BICDL1: variants seen among roughly 807,000 people sequenced by gnomAD.
BICDL1 encodes BICD family like cargo adaptor 1, also known as BICD family-like cargo adapter 1.
A neutral mutation model predicts 76.8 loss-of-function variants in BICDL1; 20 were observed. The ratio of observed to expected loss-of-function variants is 0.26; its 90% CI spans 0.18 to 0.38. The LOEUF (loss-of-function observed/expected upper bound fraction) is 0.38, where lower values mean the gene tolerates loss of function less well. BICDL1 is among the 10% of genes least tolerant of loss of function. BICDL1 has a pLI of 1.00. For missense variants in BICDL1, 700 were observed against 798.6 expected (o/e 0.88, Z 1.49); for synonymous variants, 383 against 337.1 (o/e 1.14, Z -1.49).
intron 2 of BICDL1, among the ~76,000 whole-genome samples, chr12:120,040,003 AT>A (rs1197194695): frequency 6.6e-6 from 1 of 152,074 alleles, no homozygotes; most frequent in African/African-American, 2.4e-5. Flanking sequence ...CAAATACCCA[AT>A]TTTACTGGTA....
chr12:120,080,119 G>A (rs900599461), intron 7 of BICDL1, among the ~76,000 whole-genome samples: 1 of 152,250 alleles, frequency 6.6e-6, no homozygotes, highest in African/African-American at 2.4e-5. Context: ...AGATGGATGT[G>A]ACATGCTTCC....
At chr12:119,994,883 T>C (rs1465267381) in intron 1 of BICDL1, among the ~76,000 whole-genome samples, 2 of 152,226 alleles carry the variant, frequency 1.3e-5, no homozygotes, top group African/African-American at 2.4e-5. Context: ...CTTCCTCTTA[T>C]TAACATCTTA....
chr12:120,069,278 C>A (rs1388538726), intron 4 of BICDL1, among the ~76,000 whole-genome samples: 1 of 152,150 alleles, frequency 6.6e-6, no homozygotes, highest in Non-Finnish European at 1.5e-5. Flanking sequence ...CAGAAAAGGA[C>A]TGAGAGAGAA....
intron 2 of BICDL1, among the ~76,000 whole-genome samples, chr12:120,008,493 G>C (rs1316213090): frequency 6.6e-6 from 1 of 152,190 alleles, no homozygotes; most frequent in African/African-American, 2.4e-5. Flanking sequence ...TAAGGAAACT[G>C]AGGGTCAGAA....
chr12:120,086,976 C>T (rs577466396), intron 8 of BICDL1, among the ~76,000 whole-genome samples: 2 of 152,326 alleles, frequency 1.3e-5, no homozygotes, highest in South Asian at 4.1e-4. Context: ...ATGCCCGGCG[C>T]TGCGCCGCGG....
chr12:120,091,957 A>C, intron 9 of BICDL1: 1 of 985,306 alleles, frequency 1.0e-6, no homozygotes, highest in Non-Finnish European at 1.2e-6. Flanking sequence ...CGGACACCAC[A>C]GGCTGACTCA....
At chr12:120,017,210 T>C (rs987084258) in intron 2 of BICDL1, among the ~76,000 whole-genome samples, 1 of 152,226 alleles carries the variant, frequency 6.6e-6, no homozygotes, top group Admixed American at 6.5e-5. Context: ...TGTTGTTTTA[T>C]ATCAGCAGAT....
chr12:120,092,271 G>A (rs1203381390), intron 9 of BICDL1: 1 of 985,342 alleles, frequency 1.0e-6, no homozygotes, highest in African/African-American at 1.7e-5. Context: ...GCGGGCTGTG[G>A]GGAGGAAGGC....
intron 2 of BICDL1, among the ~76,000 whole-genome samples, chr12:120,038,060 G>T (rs1259887842): frequency 6.6e-6 from 1 of 152,184 alleles, no homozygotes; most frequent in Non-Finnish European, 1.5e-5. Flanking sequence ...GAAGCCCTGG[G>T]TAGACAGAGG....
chr12:120,016,279 C>A (rs1244876260), intron 2 of BICDL1, among the ~76,000 whole-genome samples: 1 of 152,070 alleles, frequency 6.6e-6, no homozygotes, highest in Non-Finnish European at 1.5e-5. Flanking sequence ...TTTTGTTTAT[C>A]CATAACCAGT....
chr12:120,057,483 G>A (rs1953000483), intron 2 of BICDL1, among the ~76,000 whole-genome samples: 1 of 152,076 alleles, frequency 6.6e-6, no homozygotes, highest in Non-Finnish European at 1.5e-5. Context: ...CTTCCAGAAA[G>A]CATTTAGAAC....
At chr12:120,009,115 G>A (rs1594108137) in intron 2 of BICDL1, among the ~76,000 whole-genome samples, 1 of 152,076 alleles carries the variant, frequency 6.6e-6, no homozygotes, top group Non-Finnish European at 1.5e-5. Context: ...AGCGTCCCGA[G>A]TAGCTGGGAT....
At chr12:120,009,243 C>G (rs149068337) in intron 2 of BICDL1, among the ~76,000 whole-genome samples, 170 of 152,266 alleles carry the variant, frequency 1.1e-3, no homozygotes, top group African/African-American at 4.0e-3. Context: ...GCCTCGGCCT[C>G]CCAAAGTGCT....
At chr12:120,066,548 C>T (rs1953225682) in intron 4 of BICDL1, among the ~76,000 whole-genome samples, 1 of 152,152 alleles carries the variant, frequency 6.6e-6, no homozygotes, top group African/African-American at 2.4e-5. Flanking sequence ...TCCCGTCATG[C>T]CACATGCACT....
intron 1 of BICDL1, among the ~76,000 whole-genome samples, chr12:119,997,071 C>G (rs1414102020): frequency 6.6e-6 from 1 of 151,908 alleles, no homozygotes; most frequent in African/African-American, 2.4e-5. Flanking sequence ...GCCTCAGCCT[C>G]CTGGGTAGCT....
chr12:120,032,957 G>A (rs1042254765), intron 2 of BICDL1, among the ~76,000 whole-genome samples: 1 of 152,030 alleles, frequency 6.6e-6, no homozygotes, highest in Non-Finnish European at 1.5e-5. Context: ...ATGTTAGCCA[G>A]GATGATCTCT....
At chr12:120,038,469 A>G (rs536013752) in intron 2 of BICDL1, among the ~76,000 whole-genome samples, 8 of 152,220 alleles carry the variant, frequency 5.3e-5, no homozygotes, top group Non-Finnish European at 1.0e-4. Flanking sequence ...TCAAAATAGT[A>G]TGTGGACATT....
At position 120,093,830 on chromosome 12, in the gene BICDL1, C is replaced by A; in HGVS notation, c.*669C>A. On this transcript the variant is annotated 3_prime_UTR_variant, in exon 10 of 10. Transcript: ENST00000548673. ...CCCCCTGTCGCCACTGCTCTCCCTC[C>A]CAGCCTTCAGTCTCTGCCCCTTAGC... is the stretch of plus-strand genomic sequence containing the variant. 1 of 193,538 alleles carries A rather than the reference C, an allele frequency of 5.2e-6. No homozygotes were observed. The highest frequency in any genetic ancestry group is 8.4e-5 in the South Asian group (1 of 11,970). 12.0% of individuals were successfully genotyped at this position (193,538 alleles called of 1,614,324 possible). A position where few individuals can be genotyped will look rare whatever the true frequency, so the allele number is the denominator to read the frequency against.
intron 2 of BICDL1, among the ~76,000 whole-genome samples, chr12:120,010,999 A>G (rs1293939308): frequency 1.3e-5 from 2 of 152,224 alleles, no homozygotes; most frequent in Non-Finnish European, 2.9e-5. Context: ...TTATTCGTTA[A>G]TACTGAAGTT....
Sources: gnomAD v4.1 joint callset for allele counts (sites outside exome capture counted in the v4.1 genomes callset) on GRCh38, gnomAD v4.1.1 for gene constraint, MANE v1.5 for transcripts, NCBI Gene and HGNC (gene_info 2026-07-23, HGNC 2026-07-21) for gene names.